The following KCNS3 variants were observed in gnomAD, a reference collection of about 807,000 sequenced individuals.
KCNS3 encodes delayed-rectifier potassium channel regulatory subunit KCNS3.
In KCNS3, 13 loss-of-function variants were observed where a neutral mutation model predicts 31.0. The ratio of observed to expected loss-of-function variants is 0.42; its 90% confidence interval spans 0.27 to 0.67. The LOEUF (loss-of-function observed/expected upper bound fraction) is 0.67, where lower values mean the gene tolerates loss of function less well. Among genes scored for constraint, KCNS3 ranks in the 30% least tolerant of loss-of-function variants. KCNS3 has a pLI of 0.25. For missense variants in KCNS3, 545 were observed against 622.4 expected (o/e 0.88, Z 1.32); for synonymous variants, 238 against 241.5 (o/e 0.99, Z 0.13).
chr2:17,884,271 ATATATATATATATATATAT>A (rs1558445187), intron 1 of KCNS3, among the ~76,000 whole-genome samples: 2 of 33,826 alleles, frequency 5.9e-5, no homozygotes, highest in South Asian at 2.3e-3. Context: ...AAAAAAAAAT[ATATATATATATATATATAT>A]ATATATATAT....
chr2:17,903,478 TTAAG>T (rs1662235725), intron 1 of KCNS3, among the ~76,000 whole-genome samples: 1 of 152,190 alleles, frequency 6.6e-6, no homozygotes, highest in Non-Finnish European at 1.5e-5. Flanking sequence ...TTATTATACT[TTAAG>T]TTCTAGGGTA....
intron 2 of KCNS3, among the ~76,000 whole-genome samples, chr2:17,930,227 T>G (rs6714959): frequency 0.049 from 7,528 of 152,168 alleles, 498 homozygotes; most frequent in African/African-American, 0.15. Context: ...GATAGTGCAA[T>G]TACCATAAAG....
intron 1 of KCNS3, among the ~76,000 whole-genome samples, chr2:17,887,994 G>A (rs941045882): frequency 6.6e-6 from 1 of 151,882 alleles, no homozygotes; most frequent in Non-Finnish European, 1.5e-5. Flanking sequence ...GTCTATTTAT[G>A]TCCTTAGCCC....
chr2:17,885,951 A>G (rs748030618), intron 1 of KCNS3, among the ~76,000 whole-genome samples: 9 of 152,210 alleles, frequency 5.9e-5, no homozygotes, highest in Non-Finnish European at 1.3e-4. Context: ...GTATCCAGTG[A>G]TCAATTTGTA....
intron 1 of KCNS3, among the ~76,000 whole-genome samples, chr2:17,907,244 G>A (rs549678451): frequency 6.6e-6 from 1 of 152,202 alleles, no homozygotes; most frequent in Admixed American, 6.5e-5. Flanking sequence ...GATCTTTGTT[G>A]GTTTAAAGTC....
rs561604424 is a variant in KCNS3 at position 17,887,063 on chromosome 2, G to A, written c.-252+8257G>A. ...CCTCTCTAGACTTAAAGCAGCACAC[G>A]TTGCTTTCTCATGTAATTTTTATTT... On this transcript the variant is annotated intron_variant, in intron 1 of 2. Transcript: ENST00000304101. Among the ~76,000 whole-genome samples the A allele has an allele frequency of 5.6e-5, 8 of 143,718 alleles. No homozygotes were observed. The South Asian group carries it at 6.8e-4, about 12-fold the overall frequency. 94.3% of individuals were successfully genotyped at this position (143,718 alleles called of 152,430 possible).
In KCNS3 at chr2:17,931,397, A is replaced by G. The variant is rs1662962373; in HGVS notation, c.389A>G (p.Glu130Gly). 4 of 1,614,170 alleles carry G rather than the reference A, an allele frequency of 2.5e-6. No individual in the cohort carries two copies. Among genetic ancestry groups the G allele is most frequent in the Non-Finnish European group, 3.4e-6 (4 of 1,180,020 alleles). Residue 130 changes from glutamate (E) to glycine (G), a missense_variant, in exon 3 of 3, where the codon GAG becomes GGG. By Grantham distance (98) the Glu-to-Gly change is moderately conservative. Coordinates refer to ENST00000304101, the MANE Select transcript of KCNS3 (RefSeq NM_002252.5). This position sits in a 1 kb window ranked among gnomAD's most constrained non-coding sequence, Gnocchi z 5.4. ...CAGGAACGCAAGGAGGAAAACCACG[A>G]GAAGGACTGGGACCAGAAAAGCCAT... ...RYQERKEENHEKDWDQKSHDV... is the reference protein window; with the variant it reads ...RYQERKEENHGKDWDQKSHDV...
At chr2:17,920,960 G>A (rs1662691417) in intron 2 of KCNS3, among the ~76,000 whole-genome samples, 1 of 152,116 alleles carries the variant, frequency 6.6e-6, no homozygotes. Flanking sequence ...GACAACGTTG[G>A]GCAAATTCTG....
rs771216607 is a variant in KCNS3, at chr2:17,914,074, C to T, written c.-251-3606C>T. ...CAGGTAAGATTATCACAGGTTGGGT[C>T]GGAGTCAGCTATCTCTTAGCCTTGC... On this transcript the variant is annotated intron_variant, in intron 1 of 2. Transcript: ENST00000304101. Among the ~76,000 whole-genome samples the T allele has an allele frequency of 3.9e-5, 6 of 152,282 alleles. No homozygotes were observed. The East Asian group carries it at 5.8e-4, about 15-fold the overall frequency.
upstream of KCNS3, chr2:17,878,523 C>G (rs1674558911): frequency 1.3e-5 from 2 of 151,454 alleles, no homozygotes; most frequent in Middle Eastern, 6.8e-3. Context: ...CCCGGGGCGC[C>G]CGGCTGCGGG....
chr2:17,917,109 A>G (rs953465779), intron 1 of KCNS3, among the ~76,000 whole-genome samples: 4 of 152,208 alleles, frequency 2.6e-5, no homozygotes, highest in Admixed American at 6.5e-5. Flanking sequence ...CTTCATATAC[A>G]TAACCACACA....
At chr2:17,923,747 A>G (rs1412757392) in intron 2 of KCNS3, among the ~76,000 whole-genome samples, 1 of 151,806 alleles carries the variant, frequency 6.6e-6, no homozygotes, top group African/African-American at 2.4e-5. Context: ...ACCCCTGTTG[A>G]ATTGTCTTGA....
intron 2 of KCNS3, among the ~76,000 whole-genome samples, chr2:17,922,716 A>G (rs747340737): frequency 6.6e-6 from 1 of 150,930 alleles, no homozygotes; most frequent in Non-Finnish European, 1.5e-5. Flanking sequence ...TATAGTTTTG[A>G]CTATTATGGA....
Position 17,923,738 on chromosome 2 carries a change from C to A in KCNS3, c.-60+5867C>A, listed in dbSNP as rs181374811. ...CTATTTATCGAAAAGACTCTTCTTA[C>A]CCCTGTTGAATTGTCTTGACACACT... On this transcript the variant is annotated intron_variant, in intron 2 of 2. Coordinates refer to ENST00000304101, the MANE Select transcript of KCNS3 (RefSeq NM_002252.5). 4.0e-3 allele frequency among the ~76,000 whole-genome samples: 609 copies of A among 151,884 alleles called. 4 individuals carry two copies. The highest frequency in any genetic ancestry group is 6.9e-3 in the Non-Finnish European group (467 of 67,882).
intron 1 of KCNS3, among the ~76,000 whole-genome samples, chr2:17,914,474 T>G (rs1471123633): frequency 6.6e-6 from 1 of 152,190 alleles, no homozygotes; most frequent in Non-Finnish European, 1.5e-5. Context: ...ACTCTTCTGT[T>G]TTCACCACTG....
chr2:17,903,926 A>G (rs763716269), intron 1 of KCNS3, among the ~76,000 whole-genome samples: 6 of 152,190 alleles, frequency 3.9e-5, no homozygotes, highest in Non-Finnish European at 5.9e-5. Context: ...ATACGCGTGC[A>G]TGTGCCTTTA....
At position 17,928,844 on chromosome 2, in the gene KCNS3, C is replaced by CT. The variant is rs1319425291; in HGVS notation, c.-59-2097dup. Among the ~76,000 whole-genome samples, 8 of 151,236 alleles carry CT rather than the reference C, an allele frequency of 5.3e-5. No homozygotes were observed. The East Asian group carries it at 5.8e-4, about 11-fold the overall frequency. ...TTTTGGCCTTTCTGCTTCCTTGTCC[C>CT]TTTTTTTTTCCCAATCAGTTACCAA... On this transcript the variant is annotated intron_variant, in intron 2 of 2. Transcript: ENST00000304101.
intron 1 of KCNS3, among the ~76,000 whole-genome samples, chr2:17,893,965 T>TAA (rs1553341814): frequency 1.8e-4 from 24 of 134,732 alleles, no homozygotes; most frequent in African/African-American, 6.1e-4. Context: ...TTTTTTTTTT[T>TAA]TAATATATCT....
intron 1 of KCNS3, among the ~76,000 whole-genome samples, chr2:17,895,395 A>G (rs1033879086): frequency 1.3e-5 from 2 of 152,262 alleles, no homozygotes; most frequent in South Asian, 2.1e-4. Context: ...ATTCTACAAC[A>G]TGTCAGGTGC....
Sources: gnomAD v4.1 joint callset for allele counts (sites outside exome capture counted in the v4.1 genomes callset) on GRCh38, gnomAD v4.1.1 for gene constraint, Gnocchi (gnomAD v3.1) non-coding constraint, MANE v1.5 for transcripts, NCBI Gene and HGNC (gene_info 2026-07-23, HGNC 2026-07-21) for gene names.